BLTP1: variants seen among roughly 807,000 people sequenced by gnomAD.
BLTP1 encodes fragile site-associated protein.
the BLTP1 span, chr4:122,292,618 T>G: frequency 2.5e-5 from 23 of 925,992 alleles, no homozygotes; most frequent in Non-Finnish European, 3.0e-5. Context: ...CTTAAGTAAG[T>G]GAAAATTGAA....
the BLTP1 span, chr4:122,280,112 A>G: frequency 6.6e-7 from 1 of 1,523,570 alleles, no homozygotes; most frequent in Non-Finnish European, 8.8e-7. Context: ...ACAGTGGAGC[A>G]AGAGGAGAGT....
chr4:122,210,027 CATAGT>C, the BLTP1 span: 2 of 1,442,650 alleles, frequency 1.4e-6, no homozygotes, highest in Admixed American at 4.9e-5. Context: ...ATTCTTGTGA[CATAGT>C]ATAAATATAG....
At chr4:122,207,637 G>A in the BLTP1 span, 1 of 1,584,508 alleles carries the variant, frequency 6.3e-7, no homozygotes, top group Non-Finnish European at 8.6e-7. Flanking sequence ...TTCTCTTTAA[G>A]AGTATGTATA....
chr4:122,164,767 T>C, the BLTP1 span, among the ~76,000 whole-genome samples: 16 of 152,148 alleles, frequency 1.1e-4, no homozygotes, highest in African/African-American at 3.1e-4. Flanking sequence ...TTATTTTTTT[T>C]TTTGCATTAA....
the BLTP1 span, chr4:122,353,720 A>G: frequency 1.4e-6 from 2 of 1,397,266 alleles, no homozygotes; most frequent in Non-Finnish European, 1.9e-6. The surrounding 1 kb of genome is among the most constrained non-coding windows in gnomAD (Gnocchi z 4.3). Flanking sequence ...CTTCCTATAT[A>G]TGACAACTGA....
At chr4:122,201,930 T>TGTAG in the BLTP1 span, 1 of 944,678 alleles carries the variant, frequency 1.1e-6, no homozygotes, top group Non-Finnish European at 1.3e-6. Context: ...TTAAGGCATA[T>TGTAG]GTAGGTAGTC....
the BLTP1 span, among the ~76,000 whole-genome samples, chr4:122,181,770 G>T: frequency 6.6e-6 from 1 of 151,766 alleles, no homozygotes; most frequent in African/African-American, 2.4e-5. Context: ...TACTTTTGAA[G>T]GACATTGAGT....
At chr4:122,310,273 C>G in the BLTP1 span, among the ~76,000 whole-genome samples, 1 of 151,944 alleles carries the variant, frequency 6.6e-6, no homozygotes, top group East Asian at 1.9e-4. Context: ...TTTTAGCATT[C>G]AAAATGAAAA....
the BLTP1 span, chr4:122,349,723 A>G: frequency 2.0e-6 from 3 of 1,532,594 alleles, no homozygotes; most frequent in East Asian, 2.3e-5. The surrounding 1 kb of genome is among the most constrained non-coding windows in gnomAD (Gnocchi z 4.5). Flanking sequence ...GAAAACAGCA[A>G]TTTTTCTTAC....
the BLTP1 span, chr4:122,167,552 TG>T: frequency 2.2e-6 from 1 of 444,720 alleles, no homozygotes; most frequent in African/African-American, 2.1e-5. Flanking sequence ...TTGCTTCTCC[TG>T]TGCCGCCTCC....
the BLTP1 span, chr4:122,305,498 A>G: frequency 1.0e-6 from 1 of 982,814 alleles, no homozygotes; most frequent in Non-Finnish European, 1.2e-6. Flanking sequence ...TGAAGAACCA[A>G]GTAGAAAAAT....
At chr4:122,202,959 G>A in the BLTP1 span, among the ~76,000 whole-genome samples, 16 of 151,658 alleles carry the variant, frequency 1.1e-4, no homozygotes, top group African/African-American at 3.1e-4. Flanking sequence ...CATAATCACC[G>A]TTTTACAGAT....
the BLTP1 span, chr4:122,277,107 T>C: frequency 2.7e-5 from 26 of 978,640 alleles, no homozygotes; most frequent in Non-Finnish European, 3.2e-5. Flanking sequence ...GGAGCCAAGG[T>C]GGGAGGATTG....
the BLTP1 span, chr4:122,362,062 C>T: frequency 1.2e-6 from 2 of 1,610,406 alleles, no homozygotes; most frequent in Non-Finnish European, 1.7e-6. Context: ...AAAGATTGAT[C>T]CAGTAGGTGT....
At chr4:122,291,603 G>A in the BLTP1 span, 10 of 350,634 alleles carry the variant, frequency 2.9e-5, no homozygotes, top group East Asian at 6.7e-4. Flanking sequence ...ATTTGTCCAC[G>A]AAGGACTTTC....
chr4:122,341,887 C>A, the BLTP1 span: 2 of 854,826 alleles, frequency 2.3e-6, no homozygotes, highest in Non-Finnish European at 2.8e-6. Context: ...AAGCAGAGAA[C>A]TGGGGGAATG....
chr4:122,180,045 T>C, the BLTP1 span: 18,125 of 904,666 alleles, frequency 0.02, 87 homozygotes, highest in African/African-American at 0.06. Context: ...CACACACACA[T>C]ACACACACAC....
At chr4:122,251,155 C>G in the BLTP1 span, 1 of 956,156 alleles carries the variant, frequency 1.0e-6, no homozygotes, top group Non-Finnish European at 1.2e-6. Flanking sequence ...TCCTAAGTCT[C>G]TTTACCTGTA....
At chr4:122,271,498 A>G in the BLTP1 span, 1 of 1,613,558 alleles carries the variant, frequency 6.2e-7, no homozygotes. Context: ...AGAATTCATT[A>G]GGAAGATCTG....
Sources: gnomAD v4.1 joint callset for allele counts (sites outside exome capture counted in the v4.1 genomes callset) on GRCh38, gnomAD v4.1.1 for gene constraint, Gnocchi (gnomAD v3.1) non-coding constraint, MANE v1.5 for transcripts, NCBI Gene and HGNC (gene_info 2026-07-23, HGNC 2026-07-21) for gene names.